CNTNAP2: variants seen among roughly 807,000 people sequenced by gnomAD.
CNTNAP2 encodes contactin associated protein 2, also known as contactin-associated protein-like 2.
CNTNAP2 carries 98 observed loss-of-function variants against 155.2 expected under a neutral mutation model. The observed-to-expected ratio is 0.63, with a 90% CI of 0.54 to 0.75. The LOEUF (loss-of-function observed/expected upper bound fraction) is 0.75, where lower values mean the gene tolerates loss of function less well. Ranked by LOEUF, CNTNAP2 falls within the 30% of genes least tolerant of loss-of-function variation. The pLI is 0.00. For missense variants in CNTNAP2, 1,727 were observed against 1,688.1 expected (o/e 1.02, Z -0.40); for synonymous variants, 651 against 631.2 (o/e 1.03, Z -0.47).
chr7:146,921,602 T>G (rs1294585559), intron 3 of CNTNAP2, among the ~76,000 whole-genome samples: 1 of 152,086 alleles, frequency 6.6e-6, no homozygotes, highest in Non-Finnish European at 1.5e-5. Context: ...TGAGAGCTTG[T>G]GCGGGGGAAT....
At chr7:146,649,123 G>T (rs1306307113) in intron 1 of CNTNAP2, among the ~76,000 whole-genome samples, 1 of 152,068 alleles carries the variant, frequency 6.6e-6, no homozygotes. Flanking sequence ...TTTGGTAGAT[G>T]AATATTCTAT....
chr7:146,697,905 G>A (rs1416882841), intron 1 of CNTNAP2, among the ~76,000 whole-genome samples: 1 of 152,006 alleles, frequency 6.6e-6, no homozygotes, highest in Admixed American at 6.6e-5. Flanking sequence ...TCTTCAGTTT[G>A]AAGTGCGCAT....
intron 9 of CNTNAP2, among the ~76,000 whole-genome samples, chr7:147,302,363 T>C (rs529861122): frequency 2.0e-5 from 3 of 152,326 alleles, no homozygotes; most frequent in African/African-American, 7.2e-5. Context: ...ATTCATGGCA[T>C]AGAGTTTATA....
At chr7:147,246,742 T>A (rs1804079038) in intron 8 of CNTNAP2, among the ~76,000 whole-genome samples, 1 of 152,216 alleles carries the variant, frequency 6.6e-6, no homozygotes, top group South Asian at 2.1e-4. Flanking sequence ...TAAATGTAAA[T>A]CTCATCCTAA....
chr7:147,923,183 C>G (rs1563136417), intron 14 of CNTNAP2, among the ~76,000 whole-genome samples: 1 of 152,058 alleles, frequency 6.6e-6, no homozygotes, highest in East Asian at 1.9e-4. Context: ...AATTGTGTCC[C>G]CACAAAAGAT....
At chr7:146,499,216 T>C (rs1797264012) in intron 1 of CNTNAP2, among the ~76,000 whole-genome samples, 1 of 152,174 alleles carries the variant, frequency 6.6e-6, no homozygotes, top group Non-Finnish European at 1.5e-5. Context: ...AGAGTTTTGC[T>C]CTCTTGCCCA....
intron 21 of CNTNAP2, among the ~76,000 whole-genome samples, chr7:148,355,814 TC>T (rs1430098751): frequency 1.3e-5 from 2 of 152,230 alleles, no homozygotes; most frequent in Admixed American, 1.3e-4. Flanking sequence ...CAAAGGTCTG[TC>T]TGTATCACAA....
intron 3 of CNTNAP2, among the ~76,000 whole-genome samples, chr7:146,973,778 C>T (rs1363210339): frequency 6.6e-6 from 1 of 152,184 alleles, no homozygotes; most frequent in East Asian, 1.9e-4. Flanking sequence ...TCATATTCTT[C>T]CCAATTGGCA....
chr7:147,880,466 G>C (rs1799500423), intron 13 of CNTNAP2, among the ~76,000 whole-genome samples: 2 of 152,122 alleles, frequency 1.3e-5, no homozygotes. Context: ...TCAGAGGAAA[G>C]AGCTGATTTA....
chr7:146,471,837 G>A, intron 1 of CNTNAP2, among the ~76,000 whole-genome samples: 1 of 152,194 alleles, frequency 6.6e-6, no homozygotes, highest in Non-Finnish European at 1.5e-5. Flanking sequence ...CAGGAATTCT[G>A]TGGATAGCAA....
chr7:148,319,402 CTT>C (rs964974649), intron 21 of CNTNAP2, among the ~76,000 whole-genome samples: 48 of 152,072 alleles, frequency 3.2e-4, no homozygotes, highest in African/African-American at 1.1e-3. Flanking sequence ...TATCAAAACT[CTT>C]TGTTTTTTCA....
chr7:146,488,311 C>CCCTTCCTTCCTT (rs147867725), intron 1 of CNTNAP2, among the ~76,000 whole-genome samples: 4 of 132,384 alleles, frequency 3.0e-5, no homozygotes, highest in Non-Finnish European at 6.3e-5. Flanking sequence ...CTTCCTCCCT[C>CCCTTCCTTCCTT]CCTTCCTTCC....
chr7:148,188,701 A>G (rs1030512994), intron 18 of CNTNAP2, among the ~76,000 whole-genome samples: 4 of 152,198 alleles, frequency 2.6e-5, no homozygotes, highest in Non-Finnish European at 4.4e-5. Flanking sequence ...ATTTTGTACT[A>G]TTGGAAAATG....
intron 1 of CNTNAP2, among the ~76,000 whole-genome samples, chr7:146,161,950 G>A (rs1286902233): frequency 6.6e-6 from 1 of 152,118 alleles, no homozygotes; most frequent in Non-Finnish European, 1.5e-5. Flanking sequence ...GGGAAAACTG[G>A]CTAGCCATAT....
At chr7:147,898,062 A>C (rs942767223) in intron 13 of CNTNAP2, among the ~76,000 whole-genome samples, 12 of 152,218 alleles carry the variant, frequency 7.9e-5, no homozygotes, top group Non-Finnish European at 1.8e-4. Flanking sequence ...GATTAAGTCA[A>C]ATATACTTTC....
At chr7:147,238,564 C>A (rs1168638534) in intron 8 of CNTNAP2, among the ~76,000 whole-genome samples, 8 of 151,704 alleles carry the variant, frequency 5.3e-5, no homozygotes, top group Non-Finnish European at 8.8e-5. Context: ...TTTTTCACAT[C>A]AGAATCAATA....
At chr7:147,240,960 C>G (rs1803924503) in intron 8 of CNTNAP2, among the ~76,000 whole-genome samples, 1 of 152,140 alleles carries the variant, frequency 6.6e-6, no homozygotes, top group African/African-American at 2.4e-5. Flanking sequence ...TCAGTGTCAT[C>G]TGTTTTCTCG....
chr7:146,246,311 C>T (rs1799653379), intron 1 of CNTNAP2, among the ~76,000 whole-genome samples: 1 of 150,680 alleles, frequency 6.6e-6, no homozygotes, highest in Admixed American at 6.6e-5. Context: ...TAGCTGTAAT[C>T]CAGGAATAGT....
At chr7:146,669,790 T>C (rs1482689019) in intron 1 of CNTNAP2, among the ~76,000 whole-genome samples, 1 of 152,140 alleles carries the variant, frequency 6.6e-6, no homozygotes, top group East Asian at 1.9e-4. Context: ...TTAAAAATTG[T>C]TTCAACCTTT....
Sources: gnomAD v4.1 joint callset for allele counts (sites outside exome capture counted in the v4.1 genomes callset) on GRCh38, gnomAD v4.1.1 for gene constraint, MANE v1.5 for transcripts, NCBI Gene and HGNC (gene_info 2026-07-23, HGNC 2026-07-21) for gene names.